The following HSBP1 variants were observed in gnomAD, a reference collection of about 807,000 sequenced individuals.
HSBP1 encodes heat shock factor-binding protein 1.
A neutral mutation model predicts 9.6 loss-of-function variants in HSBP1; 5 were observed. The observed-to-expected ratio is 0.52, with a 90% CI of 0.27 to 1.09. The LOEUF (loss-of-function observed/expected upper bound fraction) is 1.09. Ranked by LOEUF, HSBP1 falls within the 50% of genes least tolerant of loss-of-function variation. HSBP1 has a pLI of 0.11. For missense variants in HSBP1, 121 were observed against 96.3 expected, an observed-to-expected ratio of 1.26 and a Z score of -1.07; for synonymous variants, 42 against 33.3, an observed-to-expected ratio of 1.26 and a Z score of -0.90.
chr16:83,811,030 C>G (rs1286392615), intron 3 of HSBP1, among the ~76,000 whole-genome samples: 1 of 152,164 alleles, frequency 6.6e-6, no homozygotes, highest in Non-Finnish European at 1.5e-5. Context: ...AATCACATAA[C>G]TGCTTTCTAT....
At position 83,819,506 on chromosome 16, in the gene HSBP1, A is replaced by G. The variant is rs1352328831; in HGVS notation, c.*8088A>G. On this transcript the variant is annotated 3_prime_UTR_variant, in exon 4 of 4. Coordinates refer to ENST00000433866, the MANE Select transcript of HSBP1 (RefSeq NM_001537.4). ...CCTAAGCCCGAGGAACTGAGCGTGA[A>G]GAGCCCTGACGCCATGAAGACTTGA... 1 of 152,168 alleles carries G rather than the reference A, an allele frequency of 6.6e-6. No homozygotes were observed. The highest frequency in any genetic ancestry group is 1.5e-5 in the Non-Finnish European group (1 of 68,026). The allele number at this position is 152,168 out of a possible 1,614,324, so 9.4% of individuals were successfully genotyped here. A position where few individuals can be genotyped will look rare whatever the true frequency, so the allele number is the denominator to read the frequency against.
chr16:83,808,407 C>A, intron 1 of HSBP1: 1 of 563,340 alleles, frequency 1.8e-6, no homozygotes. Flanking sequence ...CCCTCCCCGC[C>A]CTTCAACTCC....
intron 1 of HSBP1, 116 bp from the exon 2 acceptor site, chr16:83,808,564 A>G (rs1904518037): frequency 5.5e-6 from 4 of 726,394 alleles, no homozygotes; most frequent in East Asian, 2.7e-5. Flanking sequence ...AAGGCCGCAC[A>G]GCTGTCCAGA....
Position 83,819,160 on chromosome 16 carries a change from C to T in HSBP1, c.*7742C>T, listed in dbSNP as rs1385892494. The T allele has an allele frequency of 6.6e-6, 1 of 152,092 alleles. No homozygotes were observed. The highest frequency in any genetic ancestry group is 2.4e-5 in the African/African-American group (1 of 41,386). 9.4% of individuals were successfully genotyped at this position (152,092 alleles called of 1,614,324 possible). ...GGCTTTAGGGTCAAATATGTCTAAA[C>T]CAAGAAGCCCCATGGGGCACTGATT... On this transcript the variant is annotated 3_prime_UTR_variant, in exon 4 of 4. Transcript: ENST00000433866.
chr16:83,808,231 G>T (rs1597253887), intron 1 of HSBP1, 110 bp downstream of exon 1: 2 of 949,880 alleles, frequency 2.1e-6, no homozygotes, highest in South Asian at 1.6e-5. Flanking sequence ...GTCTGCCGAG[G>T]CCCCGTTTCT....
Position 83,808,067 on chromosome 16 carries a change from C to T in HSBP1, c.-10C>T, listed in dbSNP as rs941576190. The T allele has an allele frequency of 1.9e-5, 29 of 1,543,338 alleles. No homozygotes were observed. Among genetic ancestry groups the T allele is most frequent in the Non-Finnish European group, 2.4e-5 (28 of 1,142,930 alleles). On this transcript the variant is annotated 5_prime_UTR_variant, in exon 1 of 4. Coordinates refer to ENST00000433866, the MANE Select transcript of HSBP1 (RefSeq NM_001537.4). ...TCTGAGACATCACCGCCAAGCTGGGCATCGGGGAGATGGCCGAGACTGACC... is the reference window on the plus strand; with the variant it reads ...TCTGAGACATCACCGCCAAGCTGGGTATCGGGGAGATGGCCGAGACTGACC...
intron 3 of HSBP1, 78 bp downstream of exon 3, chr16:83,809,503 T>C: frequency 1.3e-6 from 1 of 774,388 alleles, no homozygotes; most frequent in Non-Finnish European, 2.0e-6. Context: ...AGTTTTGCTC[T>C]TGTTGCCCAG....
Position 83,812,409 on chromosome 16 carries a change from A to G in HSBP1, c.*991A>G, listed in dbSNP as rs1363035404. 2.0e-5 allele frequency: 3 copies of G among 152,200 alleles called. No homozygotes were observed. The highest frequency in any genetic ancestry group is 7.2e-5 in the African/African-American group (3 of 41,438). The allele number at this position is 152,200 out of a possible 1,614,324, so 9.4% of individuals were successfully genotyped here. On this transcript the variant is annotated 3_prime_UTR_variant, in exon 4 of 4. Coordinates refer to ENST00000433866, the MANE Select transcript of HSBP1 (RefSeq NM_001537.4). ...TCAATGTTATCATTGATTATAGAAG[A>G]CAGGGATAATACCTTTATCTCTGGC... is the stretch of plus-strand genomic sequence containing the variant.
At position 83,810,521 on chromosome 16, in the gene HSBP1, C is replaced by CAAAAAA. The variant is rs751338141; in HGVS notation, c.*3-882_*3-877dup. Among the ~76,000 whole-genome samples the CAAAAAA allele has an allele frequency of 4.3e-4, 22 of 51,626 alleles. 1 individual carries two copies. Among genetic ancestry groups the CAAAAAA allele is most frequent in the African/African-American group, 1.7e-3 (19 of 11,374 alleles). The allele number at this position is 51,626 out of a possible 152,430, so 33.9% of individuals were successfully genotyped here. On this transcript the variant is annotated intron_variant, in intron 3 of 3. Transcript: ENST00000433866. ...TGGGCGACAGAGTGAGACTCTGTCT[C>CAAAAAA]AAAAAAAAAAAAAAAAAAAAAAAGG...
rs12447693 is a variant in HSBP1 at position 83,813,547 on chromosome 16, C to G, written c.*2129C>G. ...GTGTTGCCCAGGCTGGTCTAGAACT[C>G]CTAGGCTCAAGCAGTCCTGTCTCAG... On this transcript the variant is annotated 3_prime_UTR_variant, in exon 4 of 4. Coordinates refer to ENST00000433866, the MANE Select transcript of HSBP1 (RefSeq NM_001537.4). The G allele has an allele frequency of 0.37, 56,063 of 152,362 alleles. 10,848 individuals carry two copies. Among genetic ancestry groups the G allele is most frequent in the Non-Finnish European group, 0.43 (29,508 of 68,236 alleles). The allele number at this position is 152,362 out of a possible 1,614,324, so 9.4% of individuals were successfully genotyped here.
rs1003072924 is a variant in HSBP1 at position 83,808,694 on chromosome 16, G to T, written c.60G>T (p.Leu20=). The T allele has an allele frequency of 1.2e-6, 2 of 1,612,528 alleles. No homozygotes were observed. Among genetic ancestry groups the T allele is most frequent in the African/African-American group, 2.7e-5 (2 of 75,026 alleles). The change falls in exon 2 of 4, where the codon CTG becomes CTT. Residue 20 remains leucine, a synonymous_variant. Coordinates refer to ENST00000433866, the MANE Select transcript of HSBP1 (RefSeq NM_001537.4). Reference sequence around the variant, plus strand: ...GTTTTTCTTAGGTGCAGACACTCCTGCAGCAGATGCAAGATAAATTTCAGA... The same window carrying T: ...GTTTTTCTTAGGTGCAGACACTCCTTCAGCAGATGCAAGATAAATTTCAGA... ...QDLTSVVQTL[L]QQMQDKFQTM...
In HSBP1 at chr16:83,816,934, C is replaced by T. The variant is rs1367642893; in HGVS notation, c.*5516C>T. On this transcript the variant is annotated 3_prime_UTR_variant, in exon 4 of 4. Coordinates refer to ENST00000433866, the MANE Select transcript of HSBP1 (RefSeq NM_001537.4). ...ACAACCTACAGTGTTTGCTACAGAC[C>T]TTCTAGATGTAACTTCTAGATTATA... is the stretch of plus-strand genomic sequence containing the variant. 6.6e-6 allele frequency: 1 copy of T among 152,180 alleles called. No individual in the cohort carries two copies. The highest frequency in any genetic ancestry group is 2.4e-5 in the African/African-American group (1 of 41,440). 9.4% of individuals were successfully genotyped at this position (152,180 alleles called of 1,614,324 possible).
rs1904626402 is a variant in HSBP1 at position 83,812,648 on chromosome 16, A to G, written c.*1230A>G. On this transcript the variant is annotated 3_prime_UTR_variant, in exon 4 of 4. Coordinates refer to ENST00000433866, the MANE Select transcript of HSBP1 (RefSeq NM_001537.4). The stretch of plus-strand genomic sequence containing the variant: ...ATAATTTGTGCTGTATACAAATTAC[A>G]TGGGGAACATAAAGGAGTGAGATCC... 6.6e-6 allele frequency: 1 copy of G among 152,226 alleles called. No homozygotes were observed. The allele number at this position is 152,226 out of a possible 1,614,324, so 9.4% of individuals were successfully genotyped here.
At chr16:83,808,210 C>T in intron 1 of HSBP1, 89 bp downstream of exon 1, 1 of 1,135,944 alleles carries the variant, frequency 8.8e-7, no homozygotes, top group Non-Finnish European at 1.2e-6. Context: ...CCCACCGCGG[C>T]CGCGCGTGGC....
intron 2 of HSBP1, chr16:83,809,033 A>G: frequency 1.8e-6 from 1 of 550,532 alleles, no homozygotes; most frequent in Non-Finnish European, 3.2e-6. Flanking sequence ...GCTCAGCATG[A>G]CCTTATGAGT....
intron 3 of HSBP1, among the ~76,000 whole-genome samples, chr16:83,809,626 C>T (rs1446754508): frequency 1.3e-5 from 2 of 151,930 alleles, no homozygotes; most frequent in African/African-American, 4.8e-5. Context: ...TGTGCCACCA[C>T]ACCCAGCCAA....
At chr16:83,809,186 C>G (rs570115894) in intron 2 of HSBP1, 119 bp from the exon 3 acceptor site, 1 of 672,998 alleles carries the variant, frequency 1.5e-6, no homozygotes, top group African/African-American at 1.8e-5. Flanking sequence ...GTAACAGTGT[C>G]GAAAGAAAAT....
Position 83,818,596 on chromosome 16 carries a change from T to A in HSBP1, c.*7178T>A, listed in dbSNP as rs1321479401. On this transcript the variant is annotated 3_prime_UTR_variant, in exon 4 of 4. Transcript: ENST00000433866. The stretch of plus-strand genomic sequence containing the variant: ...TAAGTCAATGGAGGTCGTAATTTGC[T>A]TTTATGCTGTATTAAACACCACTGA... 1 of 152,218 alleles carries A rather than the reference T, an allele frequency of 6.6e-6. No homozygotes were observed. Among genetic ancestry groups the A allele is most frequent in the African/African-American group, 2.4e-5 (1 of 41,446 alleles). The allele number at this position is 152,218 out of a possible 1,614,324, so 9.4% of individuals were successfully genotyped here. A position where few individuals can be genotyped will look rare whatever the true frequency, so the allele number is the denominator to read the frequency against.
chr16:83,813,804 T>C lies in HSBP1; in HGVS notation c.*2386T>C, dbSNP rs1206028857. ...ACCCCAAGGCCCCACAGCTTCTTCA[T>C]TTGGCCCCTAGTTCATCCTGCTTTC... On this transcript the variant is annotated 3_prime_UTR_variant, in exon 4 of 4. Transcript: ENST00000433866. The C allele has an allele frequency of 4.6e-5, 7 of 152,236 alleles. No individual in the cohort carries two copies. The highest frequency in any genetic ancestry group is 1.7e-4 in the African/African-American group (7 of 41,454). The allele number at this position is 152,236 out of a possible 1,614,324, so 9.4% of individuals were successfully genotyped here. A position where few individuals can be genotyped will look rare whatever the true frequency, so the allele number is the denominator to read the frequency against.
Sources: allele counts gnomAD v4.1 joint callset (sites outside exome capture counted in the v4.1 genomes callset), GRCh38; gene constraint gnomAD v4.1.1; transcripts MANE v1.5; gene names NCBI Gene and HGNC (gene_info 2026-07-23, HGNC 2026-07-21).